Variants in TNR observed in about 807,000 individuals in gnomAD.
The protein encoded by TNR is tenascin-R.
In TNR, 45 loss-of-function variants were observed where a neutral mutation model predicts 150.4. The ratio of observed to expected loss-of-function variants is 0.30; its 90% CI spans 0.24 to 0.38. The LOEUF is 0.38. TNR is among the 10% of genes least tolerant of loss of function. The probability of loss-of-function intolerance (pLI) is 1.00; values close to 1 mark genes in which losing one functional copy is unlikely to be tolerated. For missense variants in TNR, 1,544 were observed against 1,759.1 expected (o/e 0.88, Z 2.19); for synonymous variants, 687 against 678.4 (o/e 1.01, Z -0.20).
At chr1:175,499,217 A>T (rs1289317104) in intron 2 of TNR, among the ~76,000 whole-genome samples, 1 of 152,256 alleles carries the variant, frequency 6.6e-6, no homozygotes, top group South Asian at 2.1e-4. Flanking sequence ...GTAGAAACTG[A>T]ACATGACATC....
intron 9 of TNR, among the ~76,000 whole-genome samples, chr1:175,373,161 G>C (rs547458085): frequency 1.3e-5 from 2 of 152,252 alleles, no homozygotes; most frequent in South Asian, 4.2e-4. Flanking sequence ...ACTGGGTTTT[G>C]AAGGACCCAT....
At chr1:175,451,827 T>C (rs1164902116) in intron 2 of TNR, among the ~76,000 whole-genome samples, 1 of 152,206 alleles carries the variant, frequency 6.6e-6, no homozygotes, top group African/African-American at 2.4e-5. Context: ...ACTAATGCGT[T>C]CTCTCCTTAT....
chr1:175,654,729 T>C (rs1438037923), intron 1 of TNR, among the ~76,000 whole-genome samples: 1 of 139,640 alleles, frequency 7.2e-6, no homozygotes, highest in East Asian at 2.0e-4. Flanking sequence ...CTTTTTTTTT[T>C]TTTTTTTTTT....
chr1:175,668,385 TG>T (rs142664540), intron 1 of TNR, among the ~76,000 whole-genome samples: 10,224 of 152,188 alleles, frequency 0.067, 441 homozygotes, highest in East Asian at 0.12. Flanking sequence ...CCCCAGGCTC[TG>T]TTTCCTGCCA....
intron 2 of TNR, among the ~76,000 whole-genome samples, chr1:175,407,382 A>G (rs2102049828): frequency 6.6e-6 from 1 of 152,222 alleles, no homozygotes; most frequent in Non-Finnish European, 1.5e-5. Context: ...CTTTCTTTTA[A>G]TCTTCTTGTC....
chr1:175,432,340 G>C (rs1383134314), intron 2 of TNR, among the ~76,000 whole-genome samples: 1 of 152,144 alleles, frequency 6.6e-6, no homozygotes, highest in Non-Finnish European at 1.5e-5. Context: ...GAACAACTGT[G>C]GTTAGAAGTA....
chr1:175,530,246 C>A (rs1411636348), intron 1 of TNR, among the ~76,000 whole-genome samples: 1 of 152,152 alleles, frequency 6.6e-6, no homozygotes, highest in Non-Finnish European at 1.5e-5. Context: ...AGGGCTACGG[C>A]ACCTGGGGGA....
intron 1 of TNR, among the ~76,000 whole-genome samples, chr1:175,559,231 G>A (rs1661316860): frequency 6.6e-6 from 1 of 152,198 alleles, no homozygotes; most frequent in African/African-American, 2.4e-5. Context: ...GATAGAGTTG[G>A]TGGTTCCACA....
intron 2 of TNR, among the ~76,000 whole-genome samples, chr1:175,468,864 C>G (rs1052312731): frequency 1.3e-5 from 2 of 152,046 alleles, no homozygotes; most frequent in African/African-American, 2.4e-5. Context: ...TTCTGAAGGG[C>G]TCTCATAAGG....
intron 2 of TNR, among the ~76,000 whole-genome samples, chr1:175,496,933 A>T (rs2102145177): frequency 6.6e-6 from 1 of 152,346 alleles, no homozygotes; most frequent in African/African-American, 2.4e-5. Flanking sequence ...GTCCTCATTT[A>T]TCTAGCTGCA....
At chr1:175,654,924 G>A (rs1476190536) in intron 1 of TNR, among the ~76,000 whole-genome samples, 2 of 151,892 alleles carry the variant, frequency 1.3e-5, no homozygotes, top group African/African-American at 4.8e-5. Flanking sequence ...GGGTTTCACC[G>A]TGTTAGCCAG....
At chr1:175,371,648 C>T (rs1293757020) in intron 9 of TNR, among the ~76,000 whole-genome samples, 1 of 152,214 alleles carries the variant, frequency 6.6e-6, no homozygotes, top group East Asian at 1.9e-4. Flanking sequence ...GCAAGTATTA[C>T]TGAGCTTCTT....
chr1:175,321,641 T>C lies in TNR; in HGVS notation c.*1716A>G, dbSNP rs372843584. On this transcript the variant is annotated 3_prime_UTR_variant, in exon 23 of 23. Transcript: ENST00000367674. Reference sequence around the variant, plus strand: ...GGAGAAATTGAAAGGTCACGGCTTCTAGAGCATCTAGCTCTCTTGGGCTTA... The same window carrying C: ...GGAGAAATTGAAAGGTCACGGCTTCCAGAGCATCTAGCTCTCTTGGGCTTA... 6.6e-6 allele frequency: 1 copy of C among 152,340 alleles called. No homozygotes were observed. Among genetic ancestry groups the C allele is most frequent in the East Asian group, 1.9e-4 (1 of 5,204 alleles). 9.4% of individuals were successfully genotyped at this position (152,340 alleles called of 1,614,324 possible).
In TNR at chr1:175,396,602, G is replaced by C; in HGVS notation, c.1182C>G (p.Ser394Arg). 1 of 1,614,214 alleles carries C rather than the reference G, an allele frequency of 6.2e-7. No individual in the cohort carries two copies. Among genetic ancestry groups the C allele is most frequent in the Non-Finnish European group, 8.5e-7 (1 of 1,180,032 alleles). The change falls in exon 5 of 23, where the codon AGC becomes AGG. Residue 394 changes from serine (S) to arginine (R), a missense_variant. Physicochemically the swap from Ser to Arg is moderately radical, Grantham distance 110. This residue lies in a region of TNR where 1,254 missense variants were observed against 1,329.4 expected (regional missense o/e 0.94). Transcript: ENST00000367674. The part of the protein sequence containing the change: ...ELEPGLTYNI[S>R]VYAVISNILS... ...GGATGTTGCTAATGACAGCGTAGAC[G>C]CTGATGTTGTAGGTGAGACCTGGCT...
intron 2 of TNR, among the ~76,000 whole-genome samples, chr1:175,476,347 T>C (rs777460576): frequency 6.6e-6 from 1 of 152,220 alleles, no homozygotes; most frequent in Non-Finnish European, 1.5e-5. Context: ...AGGTGATGTA[T>C]GGCAAAAGTA....
At chr1:175,469,823 A>G (rs1180233362) in intron 2 of TNR, among the ~76,000 whole-genome samples, 1 of 151,992 alleles carries the variant, frequency 6.6e-6, no homozygotes, top group South Asian at 2.1e-4. Flanking sequence ...CATAGATTGG[A>G]GTGAAGCACT....
At position 175,498,118 on chromosome 1, in the gene TNR, A is replaced by AAAAC. The variant is rs545642269; in HGVS notation, c.-64+30147_-64+30150dup. On this transcript the variant is annotated intron_variant, in intron 2 of 22. Coordinates refer to ENST00000367674, the MANE Select transcript of TNR (RefSeq NM_003285.3). The stretch of plus-strand genomic sequence containing the variant: ...AAAACAAAACAAAAAACAAACAAAG[A>AAAAC]AAACAAACAAACAAACACAAATCCT... Among the ~76,000 whole-genome samples the AAAAC allele has an allele frequency of 5.4e-5, 8 of 148,226 alleles. No homozygotes were observed. In the East Asian group the frequency reaches 9.6e-4, roughly 18 times the overall value.
intron 1 of TNR, among the ~76,000 whole-genome samples, chr1:175,740,603 T>C (rs1358588122): frequency 6.6e-6 from 1 of 151,816 alleles, no homozygotes; most frequent in East Asian, 1.9e-4. Context: ...TGAAGGGGGG[T>C]TGGGCATGAG....
rs75566526 is a variant in TNR at position 175,629,484 on chromosome 1, AT to A, written c.-164-101116del. On this transcript the variant is annotated intron_variant, in intron 1 of 22. Transcript: ENST00000367674. ...CCAGTGCGTGGCATTGCTGAGAACA[AT>A]TTTTTTTTCTGTATAGAGATGTGGG... Among the ~76,000 whole-genome samples the A allele has an allele frequency of 6.4e-3, 978 of 151,646 alleles. 8 individuals carry two copies. The highest frequency in any genetic ancestry group is 0.01 in the Non-Finnish European group (704 of 67,858).
Sources: allele counts gnomAD v4.1 joint callset (sites outside exome capture counted in the v4.1 genomes callset), GRCh38; gene constraint gnomAD v4.1.1; regional missense constraint gnomAD v4.1.1; transcripts MANE v1.5; gene names NCBI Gene and HGNC (gene_info 2026-07-23, HGNC 2026-07-21).